Variants in FARP1 observed in about 807,000 individuals in gnomAD.
FARP1 encodes the protein FERM, ARH/RhoGEF and pleckstrin domain protein 1.
In FARP1, 52 loss-of-function variants were observed where a neutral mutation model predicts 128.8. The observed-to-expected ratio is 0.40, with a 90% CI of 0.32 to 0.51. FARP1 has a LOEUF of 0.51. Among genes scored for constraint, FARP1 ranks in the 20% least tolerant of loss-of-function variants. FARP1 has a pLI of 0.45. For missense variants in FARP1, 1,333 were observed against 1,367.9 expected (o/e 0.97, Z 0.40); for synonymous variants, 580 against 551.8 (o/e 1.05, Z -0.72).
intron 2 of FARP1, among the ~76,000 whole-genome samples, chr13:98,327,407 G>T (rs144878588): frequency 2.4e-3 from 361 of 152,252 alleles, no homozygotes; most frequent in African/African-American, 8.4e-3. Context: ...ACATAAAAGG[G>T]AATTATCATT....
At chr13:98,372,317 C>T (rs1889382112) in intron 5 of FARP1, among the ~76,000 whole-genome samples, 1 of 152,104 alleles carries the variant, frequency 6.6e-6, no homozygotes, top group African/African-American at 2.4e-5. Context: ...GAACTCCTGA[C>T]CTCATGATCT....
rs1236664051 is a variant in FARP1 at position 98,379,023 on chromosome 13, AATAT to A, written c.496+1111_496+1114del. Among the ~76,000 whole-genome samples, 2 of 75,732 alleles carry A rather than the reference AATAT, an allele frequency of 2.6e-5. 1 individual carries two copies. The highest frequency in any genetic ancestry group is 7.4e-4 in the South Asian group (2 of 2,710). 49.7% of individuals were successfully genotyped at this position (75,732 alleles called of 152,430 possible). ...TATATACAATATATAATCTATATAT[AATAT>A]ATATAATATATACAATATGTAATCT... is the stretch of plus-strand genomic sequence containing the variant. On this transcript the variant is annotated intron_variant, in intron 6 of 26. Coordinates refer to ENST00000319562, the MANE Select transcript of FARP1 (RefSeq NM_005766.4).
chr13:98,381,040 G>A (rs1889871949), intron 6 of FARP1, among the ~76,000 whole-genome samples: 1 of 152,144 alleles, frequency 6.6e-6, no homozygotes, highest in African/African-American at 2.4e-5. Flanking sequence ...CCAGAAACCA[G>A]CAAGTGGCTC....
intron 21 of FARP1, 75 bp from the exon 22 acceptor site, chr13:98,439,885 TG>T: frequency 9.4e-7 from 1 of 1,061,136 alleles, no homozygotes; most frequent in South Asian, 1.6e-5. Context: ...TTTTCCAAGT[TG>T]CCTGGCTGCC....
chr13:98,298,248 A>G (rs1384747573), intron 2 of FARP1, among the ~76,000 whole-genome samples: 1 of 152,244 alleles, frequency 6.6e-6, no homozygotes, highest in Non-Finnish European at 1.5e-5. Flanking sequence ...CCATTTTGCC[A>G]AGGAAAAGGG....
intron 1 of FARP1, among the ~76,000 whole-genome samples, chr13:98,153,330 A>ATAAAATATATATAAATAATATATATT (rs71120310): frequency 7.7e-6 from 1 of 130,218 alleles, no homozygotes; most frequent in Admixed American, 9.4e-5. Flanking sequence ...TAAATAATAT[A>ATAAAATATATATAAATAATATATATT]ATATATAAAA....
intron 2 of FARP1, among the ~76,000 whole-genome samples, chr13:98,240,091 C>A (rs1352883854): frequency 6.6e-6 from 1 of 152,108 alleles, no homozygotes; most frequent in Non-Finnish European, 1.5e-5. Context: ...ACTGGAGGGG[C>A]CTTGATCATC....
At chr13:98,240,164 T>C (rs1195340508) in intron 2 of FARP1, among the ~76,000 whole-genome samples, 1 of 152,216 alleles carries the variant, frequency 6.6e-6, no homozygotes, top group Non-Finnish European at 1.5e-5. Flanking sequence ...GCTGGGGCCT[T>C]GTGCTGCTTA....
At chr13:98,225,409 C>T (rs899409167) in intron 2 of FARP1, among the ~76,000 whole-genome samples, 15 of 152,188 alleles carry the variant, frequency 9.9e-5, no homozygotes, top group African/African-American at 3.1e-4. Flanking sequence ...GGGTTTATTA[C>T]GATCTCACCC....
chr13:98,230,977 T>C (rs1193583633), intron 2 of FARP1, among the ~76,000 whole-genome samples: 1 of 152,138 alleles, frequency 6.6e-6, no homozygotes, highest in Non-Finnish European at 1.5e-5. Context: ...AGAGAAAGTG[T>C]ACGGGGGAGT....
Position 98,421,102 on chromosome 13 carries a change from C to T in FARP1, c.1827-3470C>T, listed in dbSNP as rs114276325. 8.0e-3 allele frequency among the ~76,000 whole-genome samples: 1,214 copies of T among 152,278 alleles called. 16 individuals carry two copies. The highest frequency in any genetic ancestry group is 0.028 in the African/African-American group (1,143 of 41,552). On this transcript the variant is annotated intron_variant, in intron 16 of 26. Coordinates refer to ENST00000319562, the MANE Select transcript of FARP1 (RefSeq NM_005766.4). ...TACTCACCACATCGCGTAGAGCTGACCCTCTTTACAATTAGGGATTTGCAT... is the reference window on the plus strand; with the variant it reads ...TACTCACCACATCGCGTAGAGCTGATCCTCTTTACAATTAGGGATTTGCAT...
intron 2 of FARP1, among the ~76,000 whole-genome samples, chr13:98,315,581 A>G (rs912840449): frequency 1.3e-5 from 2 of 152,224 alleles, no homozygotes; most frequent in African/African-American, 4.8e-5. Context: ...TGAAAGTGCC[A>G]TGTGCAGTAG....
chr13:98,448,459 GCGTTTTTTAACCC>G lies in FARP1; in HGVS notation c.*145_*157del. The G allele has an allele frequency of 1.4e-6, 1 of 691,128 alleles. No homozygotes were observed. The highest frequency in any genetic ancestry group is 2.5e-6 in the Non-Finnish European group (1 of 397,380). The allele number at this position is 691,128 out of a possible 1,614,324, so 42.8% of individuals were successfully genotyped here. On this transcript the variant is annotated 3_prime_UTR_variant, in exon 27 of 27. Coordinates refer to ENST00000319562, the MANE Select transcript of FARP1 (RefSeq NM_005766.4). ...CAGCAGCTCTCCTGTCTCCACAGCC[GCGTTTTTTAACCC>G]CGACCTCTCAGCGTCTGAATGAACA...
chr13:98,412,180 A>T (rs1891217933), intron 16 of FARP1, 146 bp downstream of exon 16: 1 of 771,518 alleles, frequency 1.3e-6, no homozygotes, highest in Non-Finnish European at 2.1e-6. Context: ...AATGATTTTC[A>T]GTTAAATCCT....
At chr13:98,342,648 T>C (rs992894041) in intron 2 of FARP1, among the ~76,000 whole-genome samples, 3 of 152,040 alleles carry the variant, frequency 2.0e-5, no homozygotes, top group Admixed American at 1.3e-4. Flanking sequence ...TGCAGTGAGC[T>C]GAGATCGCGC....
chr13:98,369,634 C>T (rs564361235), intron 5 of FARP1, among the ~76,000 whole-genome samples: 15 of 151,970 alleles, frequency 9.9e-5, no homozygotes, highest in South Asian at 6.2e-4. Flanking sequence ...TTTGTCCTTG[C>T]GATAGTTTAC....
At chr13:98,273,979 C>A (rs1267170429) in intron 2 of FARP1, among the ~76,000 whole-genome samples, 2 of 152,156 alleles carry the variant, frequency 1.3e-5, no homozygotes, top group Non-Finnish European at 2.9e-5. Flanking sequence ...ATGACAACAC[C>A]ATGGTTTGAC....
Position 98,415,801 on chromosome 13 carries a change from C to T in FARP1, c.1826+3767C>T, listed in dbSNP as rs537161046. ...GTATGTGTACCCATGCCTTTCCTCA[C>T]GTTGCCGTGATACGGAAGCGCAGGT... On this transcript the variant is annotated intron_variant, in intron 16 of 26. Coordinates refer to ENST00000319562, the MANE Select transcript of FARP1 (RefSeq NM_005766.4). 3.3e-5 allele frequency among the ~76,000 whole-genome samples: 5 copies of T among 152,408 alleles called. 1 individual carries two copies. The highest frequency in any genetic ancestry group is 3.9e-4 in the East Asian group (2 of 5,194).
chr13:98,276,242 C>G (rs1331577983), intron 2 of FARP1, among the ~76,000 whole-genome samples: 6 of 152,084 alleles, frequency 3.9e-5, no homozygotes, highest in African/African-American at 1.2e-4. Context: ...ACCCATTTCT[C>G]AATTATTGAG....
Sources: gnomAD v4.1 joint callset for allele counts (sites outside exome capture counted in the v4.1 genomes callset) on GRCh38, gnomAD v4.1.1 for gene constraint, MANE v1.5 for transcripts, NCBI Gene and HGNC (gene_info 2026-07-23, HGNC 2026-07-21) for gene names.